RGPD3: variants seen among roughly 807,000 people sequenced by gnomAD.
RGPD3 encodes ranBP2-like and GRIP domain-containing protein 3.
A neutral mutation model predicts 154.5 loss-of-function variants in RGPD3; 62 were observed. That is an observed-to-expected ratio of 0.40 (90% CI 0.33 to 0.50). The LOEUF (loss-of-function observed/expected upper bound fraction) is 0.50, where lower values mean the gene tolerates loss of function less well. RGPD3 is among the 20% of genes least tolerant of loss of function. RGPD3 has a pLI of 0.59. For missense variants in RGPD3, 919 were observed against 1,716.8 expected, an observed-to-expected ratio of 0.54 and a Z score of 8.21; for synonymous variants, 308 against 607.0, an observed-to-expected ratio of 0.51 and a Z score of 7.24.
chr2:106,445,324 A>G (rs1311065180), intron 7 of RGPD3, among the ~76,000 whole-genome samples: 5 of 151,650 alleles, frequency 3.3e-5, no homozygotes, highest in African/African-American at 1.2e-4. Context: ...AATAAGAACT[A>G]TCAGTTACTT....
chr2:106,424,665 T>C lies in RGPD3; in HGVS notation c.3302A>G (p.Gln1101Arg), dbSNP rs959772064. 113 of 1,611,982 alleles carry C rather than the reference T, an allele frequency of 7.0e-5. No individual in the cohort carries two copies. The East Asian group carries it at 1.2e-3, about 17-fold the overall frequency. ...ACACACTTTTAGTACTTGTTCTCTT[T>C]GCATCAGCATTCTTACTTTGCCATT... ...EVNGKVRMLM[Q>R]REQVLKVCAN... The change falls in exon 20 of 23, where the codon CAA becomes CGA. Residue 1101 changes from glutamine to arginine, a missense_variant. Coordinates refer to ENST00000409886, the MANE Select transcript of RGPD3 (RefSeq NM_001144013.2).
chr2:106,423,971 T>C lies in RGPD3; in HGVS notation c.3996A>G (p.Gly1332=), dbSNP rs773210113. 10 of 1,611,768 alleles carry C rather than the reference T, an allele frequency of 6.2e-6. No individual in the cohort carries two copies. The East Asian group carries it at 1.1e-4, about 18-fold the overall frequency. The change falls in exon 20 of 23, where the codon GGA becomes GGG. Residue 1332 remains glycine, a synonymous_variant. Transcript: ENST00000409886. The stretch of plus-strand genomic sequence containing the variant: ...AAGGAACAACAGGTTCAAAGTACTG[T>C]CCATCTCTCTCTTCTTCTTGAGTAA... The part of the protein sequence containing the change: ...SDVTQEEERD[G]QYFEPVVPLP...
Position 106,424,141 on chromosome 2 carries a change from T to C in RGPD3, c.3826A>G (p.Ser1276Gly). 6.9e-6 allele frequency: 11 copies of C among 1,603,102 alleles called. No homozygotes were observed. The highest frequency in any genetic ancestry group is 9.3e-6 in the Non-Finnish European group (11 of 1,178,768). The change falls in exon 20 of 23, where the codon AGC becomes GGC. Residue 1276 changes from serine (S) to glycine (G), a missense_variant. By Grantham distance (56) the Ser-to-Gly change is moderately conservative. Coordinates refer to ENST00000409886, the MANE Select transcript of RGPD3 (RefSeq NM_001144013.2). ...TGGAAAAGATTTTTTCTCACAGGGCTACTTGCCAATGGAGAAGCATGTACT... is the reference window on the plus strand; with the variant it reads ...TGGAAAAGATTTTTTCTCACAGGGCCACTTGCCAATGGAGAAGCATGTACT... ...SSVHASPLAS[S>G]PVRKNLFHFD... is the part of the protein sequence containing the mutation.
Position 106,403,811 on chromosome 2 carries a change from G to C in RGPD3, c.*1408C>G, listed in dbSNP as rs1374268257. ...AAAGAACAAACTCAACATATCAGCA[G>C]CAAATTTCAGTTAAACTAAATTGGA... On this transcript the variant is annotated 3_prime_UTR_variant, in exon 23 of 23. Coordinates refer to ENST00000409886, the MANE Select transcript of RGPD3 (RefSeq NM_001144013.2). 1.2e-3 allele frequency among the ~76,000 whole-genome samples: 177 copies of C among 151,996 alleles called. No individual in the cohort carries two copies. Among genetic ancestry groups the C allele is most frequent in the African/African-American group, 3.7e-3 (153 of 41,288 alleles).
At chr2:106,451,566 A>G (rs1036085264) in intron 6 of RGPD3, among the ~76,000 whole-genome samples, 2 of 151,552 alleles carry the variant, frequency 1.3e-5, no homozygotes, top group Non-Finnish European at 2.9e-5. Flanking sequence ...GCTGCATTCC[A>G]ATAAATATTA....
At chr2:106,446,862 C>CA (rs1558854864) in intron 7 of RGPD3, among the ~76,000 whole-genome samples, 1 of 151,200 alleles carries the variant, frequency 6.6e-6, no homozygotes, top group Non-Finnish European at 1.5e-5. Flanking sequence ...AGCCTGGCGA[C>CA]AGAGAGAGAC....
At position 106,423,769 on chromosome 2, in the gene RGPD3, C is replaced by A; in HGVS notation, c.4198G>T (p.Asp1400Tyr). 1.2e-6 allele frequency: 2 copies of A among 1,611,890 alleles called. No homozygotes were observed. The highest frequency in any genetic ancestry group is 1.7e-6 in the Non-Finnish European group (2 of 1,179,852). Reference sequence around the variant, plus strand: ...TTGGCACAAAGTTTTAATACTTGGTCCCTTCTCATCAGTATACGAACGTGC... The same window carrying A: ...TTGGCACAAAGTTTTAATACTTGGTACCTTCTCATCAGTATACGAACGTGC... Reference protein sequence around the residue: ...NKHVRILMRRDQVLKLCANHR... With the variant: ...NKHVRILMRRYQVLKLCANHR... Residue 1400 changes from aspartate (D) to tyrosine (Y), a missense_variant, in exon 20 of 23, where the codon GAC becomes TAC. Asp to Tyr is a radical substitution (Grantham distance 160, BLOSUM62 -3). Coordinates refer to ENST00000409886, the MANE Select transcript of RGPD3 (RefSeq NM_001144013.2).
intron 7 of RGPD3, among the ~76,000 whole-genome samples, chr2:106,445,007 G>T (rs1677863195): frequency 7.4e-6 from 1 of 135,896 alleles, no homozygotes; most frequent in Non-Finnish European, 1.6e-5. Flanking sequence ...TTAAAAATAA[G>T]AACTATTGGC....
At chr2:106,445,017 C>CATTAAAAATA in intron 7 of RGPD3, among the ~76,000 whole-genome samples, 1 of 135,904 alleles carries the variant, frequency 7.4e-6, no homozygotes, top group Non-Finnish European at 1.6e-5. Flanking sequence ...GAACTATTGG[C>CATTAAAAATA]AGGGCGCGGT....
chr2:106,409,129 AC>A (rs1444831134), intron 22 of RGPD3, among the ~76,000 whole-genome samples: 1 of 152,224 alleles, frequency 6.6e-6, no homozygotes, highest in African/African-American at 2.4e-5. Flanking sequence ...GCTTCCAAGG[AC>A]ATGAGAGAGG....
intron 22 of RGPD3, among the ~76,000 whole-genome samples, chr2:106,412,321 T>TTGTTTTTTTG (rs1676699337): frequency 1.0e-5 from 1 of 99,978 alleles, no homozygotes; most frequent in South Asian, 4.0e-4. Context: ...TTTTTTTTTT[T>TTGTTTTTTTG]TTTTTTTTTT....
At chr2:106,436,385 G>T in intron 11 of RGPD3, 29 bp downstream of exon 11, 2 of 1,605,416 alleles carry the variant, frequency 1.2e-6, no homozygotes, top group South Asian at 2.2e-5. Context: ...CGCACTAAGT[G>T]AAAGCAATAT....
At chr2:106,459,429 T>C in intron 1 of RGPD3, 97 bp from the exon 2 acceptor site, 1 of 542,070 alleles carries the variant, frequency 1.8e-6, no homozygotes, top group South Asian at 2.0e-5. Context: ...TATGTTCAAA[T>C]ATGCCATTTT....
chr2:106,410,082 G>C (rs1199702041), intron 22 of RGPD3, among the ~76,000 whole-genome samples: 3 of 151,590 alleles, frequency 2.0e-5, no homozygotes, highest in African/African-American at 7.3e-5. Flanking sequence ...CACCATGTTG[G>C]CCAGGCTGGT....
intron 1 of RGPD3, among the ~76,000 whole-genome samples, chr2:106,467,648 G>A (rs1678668977): frequency 7.0e-6 from 1 of 142,912 alleles, no homozygotes; most frequent in South Asian, 2.2e-4. Flanking sequence ...CACAGAGCGC[G>A]CCAGGGAGCA....
At chr2:106,445,466 ACTGT>A (rs1347459858) in intron 7 of RGPD3, among the ~76,000 whole-genome samples, 31 of 152,168 alleles carry the variant, frequency 2.0e-4, no homozygotes, top group Middle Eastern at 3.4e-3. Context: ...TAACATGTGA[ACTGT>A]CTATCAACGG....
Position 106,466,829 on chromosome 2 carries a change from G to A in RGPD3, c.72+1388C>T, listed in dbSNP as rs1485074461. On this transcript the variant is annotated intron_variant, in intron 1 of 22. Coordinates refer to ENST00000409886, the MANE Select transcript of RGPD3 (RefSeq NM_001144013.2). ...CGAGGCCGCCGCCTCAACAGAGCGC[G>A]CCAGGGAGCAGCGCCCGTCGGGAGC... is the stretch of plus-strand genomic sequence containing the variant. 4.7e-3 allele frequency among the ~76,000 whole-genome samples: 323 copies of A among 68,902 alleles called. 4 individuals are homozygous for A. The highest frequency in any genetic ancestry group is 6.1e-3 in the Non-Finnish European group (207 of 34,156). The allele number at this position is 68,902 out of a possible 152,430, so 45.2% of individuals were successfully genotyped here.
chr2:106,422,585 T>C (rs1164566950), intron 20 of RGPD3, among the ~76,000 whole-genome samples: 2 of 151,796 alleles, frequency 1.3e-5, no homozygotes, highest in Non-Finnish European at 2.9e-5. Context: ...TTTCACCATG[T>C]TGGCCAGGCT....
chr2:106,467,059 C>T (rs1380157055), intron 1 of RGPD3, among the ~76,000 whole-genome samples: 1 of 123,620 alleles, frequency 8.1e-6, no homozygotes, highest in African/African-American at 2.7e-5. Context: ...CAGCGCCGGT[C>T]GGGAGCCATG....
Sources: gnomAD v4.1 joint callset for allele counts (sites outside exome capture counted in the v4.1 genomes callset) on GRCh38, gnomAD v4.1.1 for gene constraint, MANE v1.5 for transcripts, NCBI Gene and HGNC (gene_info 2026-07-23, HGNC 2026-07-21) for gene names.